Variants in TMX2 observed in about 807,000 individuals in gnomAD.
The protein encoded by TMX2 is thioredoxin related transmembrane protein 2.
TMX2 carries 20 observed loss-of-function variants against 33.4 expected under a neutral mutation model. The observed-to-expected ratio is 0.60, with a 90% CI of 0.42 to 0.87. The LOEUF is 0.87. TMX2 is among the 40% of genes least tolerant of loss of function. The probability of loss-of-function intolerance (pLI) is 0.00; values close to 1 mark genes in which losing one functional copy is unlikely to be tolerated. For missense variants in TMX2, 340 were observed against 370.7 expected (o/e 0.92, Z 0.68); for synonymous variants, 166 against 140.7 (o/e 1.18, Z -1.27).
chr11:57,714,361 G>A (rs1171222313), intron 1 of TMX2, among the ~76,000 whole-genome samples: 2 of 152,180 alleles, frequency 1.3e-5, no homozygotes, highest in Non-Finnish European at 2.9e-5. Context: ...TAATAAGAGA[G>A]ACATTTCTAT....
intron 1 of TMX2, among the ~76,000 whole-genome samples, chr11:57,713,513 G>C (rs911776200): frequency 6.6e-6 from 1 of 152,108 alleles, no homozygotes; most frequent in African/African-American, 2.4e-5. Context: ...TGGGTGGAGG[G>C]ACTGCTCGGA....
intron 1 of TMX2, among the ~76,000 whole-genome samples, chr11:57,715,356 G>A (rs1367422774): frequency 2.6e-5 from 4 of 151,992 alleles, no homozygotes; most frequent in South Asian, 2.1e-4. Flanking sequence ...AGCCAGGATC[G>A]TGCCATTGCA....
chr11:57,716,917 C>A (rs1269894726), intron 1 of TMX2, among the ~76,000 whole-genome samples: 5 of 151,488 alleles, frequency 3.3e-5, no homozygotes, highest in African/African-American at 4.9e-5. Flanking sequence ...GGGGTTGGTG[C>A]CGGGCAGAGG....
chr11:57,724,631 T>C (rs1041802949), intron 1 of TMX2, among the ~76,000 whole-genome samples: 4 of 150,428 alleles, frequency 2.7e-5, no homozygotes, highest in African/African-American at 9.8e-5. Context: ...AAAAAAGGCT[T>C]CCTGGGACCA....
chr11:57,738,909 C>T (rs1475237633), intron 5 of TMX2, 65 bp from the exon 6 acceptor site: 5 of 1,566,158 alleles, frequency 3.2e-6, no homozygotes, highest in South Asian at 1.1e-5. Context: ...TCTTAAATAT[C>T]TATACTTCCA....
chr11:57,736,391 G>A (rs2135629521), intron 1 of TMX2, among the ~76,000 whole-genome samples: 1 of 151,920 alleles, frequency 6.6e-6, no homozygotes, highest in South Asian at 2.1e-4. Flanking sequence ...GAAAGTCTAT[G>A]AATTTGTGTT....
At chr11:57,731,490 G>T (rs1230067253) in intron 1 of TMX2, among the ~76,000 whole-genome samples, 3 of 108,300 alleles carry the variant, frequency 2.8e-5, no homozygotes, top group Admixed American at 1.2e-4. Context: ...TGTATTTGAT[G>T]TCTTATGCTT....
intron 1 of TMX2, among the ~76,000 whole-genome samples, chr11:57,736,125 C>G (rs538446285): frequency 3.3e-5 from 5 of 152,162 alleles, no homozygotes; most frequent in African/African-American, 1.2e-4. Flanking sequence ...TCTGGGGTCC[C>G]CTTAGTCAAG....
chr11:57,738,298 A>G (rs1320257939), intron 3 of TMX2, 56 bp from the exon 4 acceptor site: 2 of 1,353,100 alleles, frequency 1.5e-6, no homozygotes, highest in Non-Finnish European at 2.1e-6. Context: ...GTTTGGAAGT[A>G]AATTCCCTGT....
Position 57,740,344 on chromosome 11 carries a change from G to T in TMX2, c.*99G>T. 1 of 1,384,234 alleles carries T rather than the reference G, an allele frequency of 7.2e-7. No individual in the cohort carries two copies. Among genetic ancestry groups the T allele is most frequent in the Non-Finnish European group, 9.5e-7 (1 of 1,048,476 alleles). The allele number at this position is 1,384,234 out of a possible 1,614,324, so 85.7% of individuals were successfully genotyped here. A position where few individuals can be genotyped will look rare whatever the true frequency, so the allele number is the denominator to read the frequency against. On this transcript the variant is annotated 3_prime_UTR_variant, in exon 8 of 8. Coordinates refer to ENST00000278422, the MANE Select transcript of TMX2 (RefSeq NM_015959.4). ...GCCTTTTATTTATGTTTTCCCTTTG[G>T]CTGTGACTGGGTGGGGCAGCATGCA... is the stretch of plus-strand genomic sequence containing the variant.
At chr11:57,725,050 A>G (rs1345365543) in intron 1 of TMX2, among the ~76,000 whole-genome samples, 3 of 151,672 alleles carry the variant, frequency 2.0e-5, no homozygotes, top group African/African-American at 4.9e-5. Context: ...AAAAAAAAAA[A>G]AAAAAGAAAG....
intron 1 of TMX2, among the ~76,000 whole-genome samples, chr11:57,713,727 C>T (rs979603102): frequency 1.3e-5 from 2 of 152,174 alleles, no homozygotes; most frequent in African/African-American, 4.8e-5. Context: ...TGCTTATATA[C>T]CCTCTTTCAT....
rs1025470554 is a variant in TMX2, at chr11:57,740,779, T to C, written c.*534T>C. Reference sequence around the variant, plus strand: ...TAAGGAGAAACCTTTAACCACAAAGTTTTTATCATTGAAGACAATATTGAA... The same window carrying C: ...TAAGGAGAAACCTTTAACCACAAAGCTTTTATCATTGAAGACAATATTGAA... On this transcript the variant is annotated 3_prime_UTR_variant, in exon 8 of 8. Transcript: ENST00000278422. The C allele has an allele frequency of 1.3e-5, 2 of 152,856 alleles. No homozygotes were observed. The highest frequency in any genetic ancestry group is 1.3e-4 in the Admixed American group (2 of 15,352). 9.5% of individuals were successfully genotyped at this position (152,856 alleles called of 1,614,324 possible). A position where few individuals can be genotyped will look rare whatever the true frequency, so the allele number is the denominator to read the frequency against.
chr11:57,720,008 G>T (rs955997017), intron 1 of TMX2, among the ~76,000 whole-genome samples: 74 of 152,044 alleles, frequency 4.9e-4, no homozygotes, highest in African/African-American at 1.6e-3. Flanking sequence ...GGTGCCACTG[G>T]TTGGGCGCGG....
At chr11:57,731,237 G>A (rs576272159) in intron 1 of TMX2, among the ~76,000 whole-genome samples, 3 of 141,662 alleles carry the variant, frequency 2.1e-5, no homozygotes, top group Admixed American at 1.5e-4. Context: ...TGGTTCAAGC[G>A]ATTCTCCTGC....
chr11:57,722,701 C>T (rs181440499), intron 1 of TMX2, among the ~76,000 whole-genome samples: 2 of 151,428 alleles, frequency 1.3e-5, no homozygotes, highest in Admixed American at 1.3e-4. Flanking sequence ...CTTGGTAAAA[C>T]TCTCCAGTGA....
intron 1 of TMX2, among the ~76,000 whole-genome samples, chr11:57,713,204 T>C (rs1946745687): frequency 1.3e-5 from 2 of 152,274 alleles, no homozygotes; most frequent in Middle Eastern, 6.8e-3. Context: ...TCCTGTTTCA[T>C]TGGTGAAGAA....
intron 1 of TMX2, among the ~76,000 whole-genome samples, chr11:57,715,173 G>A (rs1020625493): frequency 6.6e-6 from 1 of 152,102 alleles, no homozygotes; most frequent in Non-Finnish European, 1.5e-5. Context: ...GCTGAGGCGG[G>A]TGGATTTCCT....
At position 57,738,366 on chromosome 11, in the gene TMX2, C is replaced by G; in HGVS notation, c.377C>G (p.Thr126Arg). 1 of 1,608,380 alleles carries G rather than the reference C, an allele frequency of 6.2e-7. No homozygotes were observed. Among genetic ancestry groups the G allele is most frequent in the East Asian group, 2.2e-5 (1 of 44,856 alleles). The change falls in exon 4 of 8, where the codon ACG (threonine) becomes AGG (arginine). Residue 126 changes from threonine (T) to arginine (R), a missense_variant. Transcript: ENST00000278422. ...TTTCTGTATTTAGTGTTCCTGATGA[C>G]GTGCAAACCCCCCCTATATATGGGC... Reference protein sequence around the residue: ...YITLCIVFLMTCKPPLYMGPE... With the variant: ...YITLCIVFLMRCKPPLYMGPE...
Sources: gnomAD v4.1 joint callset for allele counts (sites outside exome capture counted in the v4.1 genomes callset) on GRCh38, gnomAD v4.1.1 for gene constraint, MANE v1.5 for transcripts, NCBI Gene and HGNC (gene_info 2026-07-23, HGNC 2026-07-21) for gene names.